Variants in BCL11A observed in about 807,000 individuals in gnomAD.
The protein encoded by BCL11A is BCL11 transcription factor A, also known as B cell CLL/lymphoma 11A.
BCL11A carries 2 observed loss-of-function variants against 55.9 expected under a neutral mutation model. The observed-to-expected ratio is 0.04, with a 90% confidence interval of 0.01 to 0.11. BCL11A has a LOEUF of 0.11. Among genes scored for constraint, BCL11A ranks in the 10% least tolerant of loss-of-function variants. The pLI is 1.00. For synonymous variants in BCL11A, 465 were observed against 473.4 expected (o/e 0.98, Z 0.23); for missense variants, 817 against 1,137.1 (o/e 0.72, Z 4.05).
At chr2:60,462,463 C>G (rs767168837) in intron 3 of BCL11A, 39 bp from the exon 4 acceptor site, 1 of 1,559,484 alleles carries the variant, frequency 6.4e-7, no homozygotes, top group Non-Finnish European at 8.7e-7. Flanking sequence ...TGTTTAATCA[C>G]TGAGGCGGGC....
At position 60,458,534 on chromosome 2, in the gene BCL11A, C is replaced by T. The variant is rs866563747; in HGVS notation, c.*1870G>A. The T allele has an allele frequency of 9.6e-7, 1 of 1,036,394 alleles. No homozygotes were observed. The highest frequency in any genetic ancestry group is 1.2e-6 in the Non-Finnish European group (1 of 860,616). The allele number at this position is 1,036,394 out of a possible 1,614,324, so 64.2% of individuals were successfully genotyped here. A position where few individuals can be genotyped will look rare whatever the true frequency, so the allele number is the denominator to read the frequency against. ...TTCTATGTTAAGTGTATTCTGTTTCCATTCACAGCGCTTGCAATGTTGCGT... is the reference window on the plus strand; with the variant it reads ...TTCTATGTTAAGTGTATTCTGTTTCTATTCACAGCGCTTGCAATGTTGCGT... On this transcript the variant is annotated 3_prime_UTR_variant, in exon 4 of 4. Transcript: ENST00000642384.
At chr2:60,504,642 C>T (rs185636231) in intron 2 of BCL11A, among the ~76,000 whole-genome samples, 41 of 152,310 alleles carry the variant, frequency 2.7e-4, no homozygotes, top group Non-Finnish European at 2.9e-4. Context: ...CTAGTCAGAA[C>T]GTTCTCTCAG....
rs1558625333 is a variant in BCL11A at position 60,473,071 on chromosome 2, A to G, written c.386-4238T>C. Among the ~76,000 whole-genome samples, 3 of 147,462 alleles carry G rather than the reference A, an allele frequency of 2.0e-5. No homozygotes were observed. In the South Asian group the frequency reaches 6.3e-4, roughly 31 times the overall value. ...TTTGTGAGCATGTGCATGTGTGTAT[A>G]TTGTGACTGTGTGCATGTGTGTGTA... On this transcript the variant is annotated intron_variant, in intron 2 of 3. Coordinates refer to ENST00000642384, the MANE Select transcript of BCL11A (RefSeq NM_022893.4).
At chr2:60,522,132 A>G (rs1405988999) in intron 2 of BCL11A, 1 of 152,314 alleles carries the variant, frequency 6.6e-6, no homozygotes, top group Non-Finnish European at 1.5e-5. Flanking sequence ...AAAATCTCAA[A>G]TACTACAAAA....
downstream of BCL11A, chr2:60,452,526 T>G: frequency 6.9e-7 from 1 of 1,459,128 alleles, no homozygotes; most frequent in Non-Finnish European, 9.6e-7. Flanking sequence ...CACGCTGACG[T>G]CGACTGGGCG....
At chr2:60,522,518 T>C (rs1013790961) in intron 2 of BCL11A, 1 of 152,210 alleles carries the variant, frequency 6.6e-6, no homozygotes, top group South Asian at 2.1e-4. Context: ...AAGAAAAGCT[T>C]CAGAGAATCA....
rs1243612191 is a variant in BCL11A, at chr2:60,488,679, T to A, written c.386-19846A>T. Among the ~76,000 whole-genome samples the A allele has an allele frequency of 3.3e-5, 5 of 152,204 alleles. No individual in the cohort carries two copies. The East Asian group carries it at 9.6e-4, about 29-fold the overall frequency. On this transcript the variant is annotated intron_variant, in intron 2 of 3. Coordinates refer to ENST00000642384, the MANE Select transcript of BCL11A (RefSeq NM_022893.4). ...GAAAATAATAACAAAAAATTTCAAA[T>A]CAGTATCAATAGCCAAAGATCCAAA...
intron 2 of BCL11A, among the ~76,000 whole-genome samples, chr2:60,497,223 T>C (rs536102950): frequency 2.9e-4 from 44 of 152,368 alleles, no homozygotes; most frequent in Middle Eastern, 3.4e-3. Flanking sequence ...CTGTAAACAC[T>C]TAATGAGCTA....
chr2:60,521,616 C>A (rs1668996568), intron 2 of BCL11A, among the ~76,000 whole-genome samples: 2 of 152,224 alleles, frequency 1.3e-5, no homozygotes, highest in Non-Finnish European at 2.9e-5. Flanking sequence ...CCCCAGTCCT[C>A]CCTTAAAGGG....
At chr2:60,482,771 A>G (rs966475559) in intron 2 of BCL11A, among the ~76,000 whole-genome samples, 2 of 152,236 alleles carry the variant, frequency 1.3e-5, no homozygotes, top group Non-Finnish European at 2.9e-5. Flanking sequence ...ACCACACTAC[A>G]TTTAACTGGA....
chr2:60,495,709 C>T (rs981882267), intron 2 of BCL11A: 2 of 152,130 alleles, frequency 1.3e-5, no homozygotes, highest in Admixed American at 1.3e-4. Flanking sequence ...TTGGAGCTTC[C>T]CTAAAAGTCA....
intron 2 of BCL11A, among the ~76,000 whole-genome samples, chr2:60,472,985 G>A (rs534896921): frequency 6.9e-6 from 1 of 143,958 alleles, no homozygotes; most frequent in Non-Finnish European, 1.6e-5. Context: ...AAATGTACGT[G>A]TGTGTGTGTT....
At chr2:60,472,094 T>G (rs1006257765) in intron 2 of BCL11A, among the ~76,000 whole-genome samples, 6 of 152,162 alleles carry the variant, frequency 3.9e-5, no homozygotes, top group African/African-American at 1.4e-4. Flanking sequence ...AAATTAAGCT[T>G]AGGGAATCCC....
intron 2 of BCL11A, among the ~76,000 whole-genome samples, chr2:60,485,857 T>C (rs1572992745): frequency 6.6e-6 from 1 of 152,150 alleles, no homozygotes; most frequent in Non-Finnish European, 1.5e-5. Context: ...ACCAGATGGA[T>C]CCCATCACCA....
intron 3 of BCL11A, among the ~76,000 whole-genome samples, chr2:60,468,020 G>GTGATAA (rs1676956043): frequency 1.2e-5 from 1 of 83,874 alleles, no homozygotes; most frequent in African/African-American, 5.4e-5. Flanking sequence ...GGTGGTGGTG[G>GTGATAA]TGGTAGTGGT....
intron 2 of BCL11A, among the ~76,000 whole-genome samples, chr2:60,487,256 A>G: frequency 6.6e-6 from 1 of 152,230 alleles, no homozygotes; most frequent in East Asian, 1.9e-4. Flanking sequence ...ATATTTTGCA[A>G]GTCGATTAGC....
intron 2 of BCL11A, among the ~76,000 whole-genome samples, chr2:60,498,281 A>G (rs1180103253): frequency 6.6e-6 from 1 of 151,900 alleles, no homozygotes; most frequent in South Asian, 2.1e-4. Flanking sequence ...CTGTCAGAAG[A>G]GGCCCTGGAC....
At chr2:60,492,436 G>A (rs910456332) in intron 2 of BCL11A, among the ~76,000 whole-genome samples, 2 of 152,126 alleles carry the variant, frequency 1.3e-5, no homozygotes, top group African/African-American at 4.8e-5. Flanking sequence ...TATTTCTAGG[G>A]AAGAAAAAAA....
intron 2 of BCL11A, chr2:60,526,525 G>A (rs954173698): frequency 1.3e-5 from 2 of 152,088 alleles, no homozygotes; most frequent in Non-Finnish European, 2.9e-5. Context: ...TAATTAAATG[G>A]GTATTTATAA....
Sources: gnomAD v4.1 joint callset for allele counts (sites outside exome capture counted in the v4.1 genomes callset) on GRCh38, gnomAD v4.1.1 for gene constraint, MANE v1.5 for transcripts, NCBI Gene and HGNC (gene_info 2026-07-23, HGNC 2026-07-21) for gene names.